The following TLE6 variants were observed in gnomAD, a reference collection of about 807,000 sequenced individuals.
TLE6 encodes the protein TLE family member 6, subcortical maternal complex member.
Under a neutral mutation model 77.1 loss-of-function variants are expected in TLE6, and 72 were observed. The observed-to-expected ratio is 0.93, with a 90% confidence interval of 0.77 to 1.14. The LOEUF is 1.14. TLE6 is among the 50% of genes most tolerant of loss of function. The pLI is 0.00. For synonymous variants in TLE6, 366 were observed against 287.3 expected, an observed-to-expected ratio of 1.27 and a Z score of -2.77; for missense variants, 843 against 747.6, an observed-to-expected ratio of 1.13 and a Z score of -1.49.
At chr19:2,992,815 G>GTA (rs2089107220) in intron 14 of TLE6, among the ~76,000 whole-genome samples, 1 of 114,600 alleles carries the variant, frequency 8.7e-6, no homozygotes, top group Non-Finnish European at 1.8e-5. Flanking sequence ...GGGTGGGGGG[G>GTA]GGGGAGGATG....
intron 16 of TLE6, 63 bp downstream of exon 16, chr19:2,994,158 C>G: frequency 2.2e-6 from 3 of 1,383,156 alleles, no homozygotes; most frequent in East Asian, 2.4e-5. Context: ...CTGGGCAACA[C>G]AGCAAGACCC....
chr19:2,989,737 C>T lies in TLE6; in HGVS notation c.1196C>T (p.Thr399Ile), dbSNP rs764288043. The T allele has an allele frequency of 1.9e-6, 3 of 1,614,204 alleles. No homozygotes were observed. The highest frequency in any genetic ancestry group is 2.5e-6 in the Non-Finnish European group (3 of 1,180,042). The change falls in exon 13 of 17, where the codon ACC (threonine) becomes ATC (isoleucine). Residue 399 changes from threonine to isoleucine, a missense_variant. Transcript: ENST00000246112. ...GCCAACCTGGCCTTCGCCAGCTTCACCAGTGGTGTGGTCAGGATCTGGGAC... is the reference window on the plus strand; with the variant it reads ...GCCAACCTGGCCTTCGCCAGCTTCATCAGTGGTGTGGTCAGGATCTGGGAC... ...LDANLAFASF[T>I]SGVVRIWDLR... is the part of the protein sequence containing the mutation.
Position 2,989,046 on chromosome 19 carries a change from G to A in TLE6, c.741-15G>A. 2 of 1,609,994 alleles carry A rather than the reference G, an allele frequency of 1.2e-6. No individual in the cohort carries two copies. Among genetic ancestry groups the A allele is most frequent in the Non-Finnish European group, 1.7e-6 (2 of 1,176,800 alleles). ...TCACAAGCAGGTCAGTTACCCCAAG[G>A]CCTCCCCTCCCAAGATCCTGGGACC... On this transcript the variant is annotated splice_polypyrimidine_tract_variant and intron_variant, in intron 11 of 16. Transcript: ENST00000246112.
chr19:2,986,725 T>C (rs2088919320), intron 5 of TLE6, 104 bp from the exon 6 acceptor site: 4 of 1,179,152 alleles, frequency 3.4e-6, no homozygotes, highest in Admixed American at 2.3e-5. Flanking sequence ...AAAAAACAAG[T>C]AGATTGATAT....
At chr19:2,989,386 G>T in intron 12 of TLE6, 73 bp downstream of exon 12, 11 of 1,593,542 alleles carry the variant, frequency 6.9e-6, no homozygotes, top group Non-Finnish European at 2.6e-6. Context: ...GTCTGGCAGA[G>T]CCCAGATCGT....
Position 2,981,522 on chromosome 19 carries a change from C to G in TLE6, c.135-16C>G. On this transcript the variant is annotated splice_polypyrimidine_tract_variant and intron_variant, in intron 3 of 16. Transcript: ENST00000246112. ...TGAAGCCACAGGTCTTCCAGCCTGT[C>G]CTCCTTCCCCCTCAGGTTTTCTCCT... 1 of 1,551,454 alleles carries G rather than the reference C, an allele frequency of 6.4e-7. No individual in the cohort carries two copies. Among genetic ancestry groups the G allele is most frequent in the Non-Finnish European group, 8.7e-7 (1 of 1,146,874 alleles).
At position 2,995,062 on chromosome 19, in the gene TLE6, C is replaced by CCG. The variant is rs1421258826; in HGVS notation, c.*59_*60insGC. 2 of 1,029,388 alleles carry CCG rather than the reference C, an allele frequency of 1.9e-6. No individual in the cohort carries two copies. The highest frequency in any genetic ancestry group is 2.6e-5 in the East Asian group (1 of 38,012). The allele number at this position is 1,029,388 out of a possible 1,614,324, so 63.8% of individuals were successfully genotyped here. A position where few individuals can be genotyped will look rare whatever the true frequency, so the allele number is the denominator to read the frequency against. On this transcript the variant is annotated 3_prime_UTR_variant, in exon 17 of 17. Transcript: ENST00000246112. ...CTCTTTTCATCCCCCCCCTTCCCCC[C>CCG]CCCCAACAAGGGGGACATGGTGGAG...
intron 3 of TLE6, among the ~76,000 whole-genome samples, chr19:2,981,117 G>C (rs963862020): frequency 6.6e-6 from 1 of 152,026 alleles, no homozygotes; most frequent in African/African-American, 2.4e-5. Context: ...CCAGCACTTT[G>C]GGAGGCCGAG....
intron 16 of TLE6, among the ~76,000 whole-genome samples, chr19:2,994,563 T>C (rs1328579632): frequency 6.6e-6 from 1 of 151,924 alleles, no homozygotes. Context: ...TGAGCCAAGA[T>C]TGTGCCACTG....
chr19:2,982,499 C>CTGCA (rs1355359969), intron 5 of TLE6, among the ~76,000 whole-genome samples: 57 of 144,270 alleles, frequency 4.0e-4, no homozygotes, highest in African/African-American at 1.5e-3. Flanking sequence ...GATCGTGGAA[C>CTGCA]TGCACTCCAG....
At chr19:2,994,156 C>T in intron 16 of TLE6, 61 bp downstream of exon 16, 2 of 1,403,174 alleles carry the variant, frequency 1.4e-6, no homozygotes, top group South Asian at 2.5e-5. Context: ...GCCTGGGCAA[C>T]ACAGCAAGAC....
chr19:2,991,987 G>A lies in TLE6; in HGVS notation c.1386+3G>A. The A allele has an allele frequency of 1.9e-6, 3 of 1,613,148 alleles. No individual in the cohort carries two copies. The South Asian group carries it at 3.3e-5, about 18-fold the overall frequency. ...TGGAGTACCAATTCAAGTCTCAGGT[G>A]CGGAGGCCGGGATGGGGTCTGCTTG... On this transcript the variant is annotated splice_donor_region_variant and intron_variant, in intron 14 of 16. Coordinates refer to ENST00000246112, the MANE Select transcript of TLE6 (RefSeq NM_001143986.2).
intron 5 of TLE6, among the ~76,000 whole-genome samples, chr19:2,984,688 G>A (rs930125525): frequency 2.6e-5 from 4 of 151,790 alleles, no homozygotes; most frequent in African/African-American, 4.8e-5. Flanking sequence ...GGCTGGTCTC[G>A]AACTTCTGAC....
intron 14 of TLE6, among the ~76,000 whole-genome samples, chr19:2,992,422 A>C (rs1298987780): frequency 2.0e-5 from 3 of 151,996 alleles, no homozygotes; most frequent in African/African-American, 7.2e-5. Context: ...TGGTGAGCCG[A>C]GATCGTGCCA....
chr19:2,992,000 T>TG lies in TLE6; in HGVS notation c.1386+20dup. The TG allele has an allele frequency of 6.2e-7, 1 of 1,611,804 alleles. No homozygotes were observed. The highest frequency in any genetic ancestry group is 8.5e-7 in the Non-Finnish European group (1 of 1,179,082). On this transcript the variant is annotated intron_variant, in intron 14 of 16. Coordinates refer to ENST00000246112, the MANE Select transcript of TLE6 (RefSeq NM_001143986.2). ...CAAGTCTCAGGTGCGGAGGCCGGGA[T>TG]GGGGTCTGCTTGGCCAGGCATCCTC...
At chr19:2,984,481 GT>G (rs994991061) in intron 5 of TLE6, 1 of 151,902 alleles carries the variant, frequency 6.6e-6, no homozygotes, top group Non-Finnish European at 1.5e-5. Flanking sequence ...TTCTTTTTTT[GT>G]TGTTTTGACG....
At position 2,987,007 on chromosome 19, in the gene TLE6, C is replaced by T. The variant is rs2088926163; in HGVS notation, c.310C>T (p.Pro104Ser). The part of the protein sequence containing the change: ...EEVSPAEPAS[P>S]GTPQQVKDKT... ...GGTCTCACCTGCTGAACCAGCCAGCCCTGGGACGCCCCAGCAGGTGAAGGA... is the reference window on the plus strand; with the variant it reads ...GGTCTCACCTGCTGAACCAGCCAGCTCTGGGACGCCCCAGCAGGTGAAGGA... The change falls in exon 7 of 17, where the codon CCT (proline) becomes TCT (serine). Residue 104 changes from proline to serine, a missense_variant. Transcript: ENST00000246112. 9 of 1,613,066 alleles carry T rather than the reference C, an allele frequency of 5.6e-6. No homozygotes were observed. Among genetic ancestry groups the T allele is most frequent in the Middle Eastern group, 3.3e-4 (2 of 6,080 alleles).
chr19:2,987,541 C>T (rs965672486), intron 8 of TLE6, 169 bp downstream of exon 8: 47 of 1,134,282 alleles, frequency 4.1e-5, no homozygotes, highest in Non-Finnish European at 6.0e-5. Flanking sequence ...CTGGAGTAGC[C>T]CAGGACCCAC....
chr19:2,988,041 C>G (rs548593932), intron 10 of TLE6, 50 bp from the exon 11 acceptor site: 1 of 1,565,770 alleles, frequency 6.4e-7, no homozygotes, highest in African/African-American at 1.4e-5. Flanking sequence ...AGGAGGTGGG[C>G]ACAGATGTGC....
Sources: gnomAD v4.1 joint callset for allele counts (sites outside exome capture counted in the v4.1 genomes callset) on GRCh38, gnomAD v4.1.1 for gene constraint, MANE v1.5 for transcripts, NCBI Gene and HGNC (gene_info 2026-07-23, HGNC 2026-07-21) for gene names.